The following RAD51B variants were observed in gnomAD, a reference collection of about 807,000 sequenced individuals.
RAD51B encodes DNA repair protein RAD51 homolog 2.
In RAD51B, 38 loss-of-function variants were observed where a neutral mutation model predicts 42.2. The observed-to-expected ratio is 0.90, with a 90% CI of 0.70 to 1.18. The LOEUF is 1.18. Among genes scored for constraint, RAD51B ranks in the 50% most tolerant of loss-of-function variants. The pLI, the probability that RAD51B is intolerant of heterozygous loss-of-function variation, is 0.00. For synonymous variants in RAD51B, 154 were observed against 145.2 expected, an observed-to-expected ratio of 1.06 and a Z score of -0.43; for missense variants, 373 against 400.7, an observed-to-expected ratio of 0.93 and a Z score of 0.59.
At chr14:67,928,383 AG>A (rs925475796) in intron 7 of RAD51B, among the ~76,000 whole-genome samples, 4 of 152,038 alleles carry the variant, frequency 2.6e-5, no homozygotes, top group African/African-American at 7.2e-5. Flanking sequence ...AGACAGAGGG[AG>A]GGGGGCTCTG....
At chr14:68,330,237 C>T (rs917753175) in intron 8 of RAD51B, among the ~76,000 whole-genome samples, 5 of 152,122 alleles carry the variant, frequency 3.3e-5, no homozygotes, top group African/African-American at 1.2e-4. Flanking sequence ...TGGAAAATCA[C>T]ATCTCTGAAG....
At chr14:67,833,855 T>C (rs2041140119) in intron 3 of RAD51B, among the ~76,000 whole-genome samples, 1 of 152,236 alleles carries the variant, frequency 6.6e-6, no homozygotes, top group African/African-American at 2.4e-5. Flanking sequence ...TACCTTCTTC[T>C]AGCTACCATT....
chr14:68,019,745 C>T (rs1216286900), intron 7 of RAD51B, among the ~76,000 whole-genome samples: 2 of 151,828 alleles, frequency 1.3e-5, no homozygotes, highest in Admixed American at 6.6e-5. Context: ...AGGATGACTG[C>T]GTATAACAAA....
chr14:68,575,449 G>A (rs577162440), intron 10 of RAD51B, among the ~76,000 whole-genome samples: 7 of 152,158 alleles, frequency 4.6e-5, no homozygotes, highest in Non-Finnish European at 8.8e-5. Flanking sequence ...AAAGGTTTGG[G>A]GTCTGGCTGA....
Position 67,887,116 on chromosome 14 carries a change from A to C in RAD51B, c.668A>C (p.Gln223Pro). Residue 223 changes from glutamine (Q) to proline (P), a missense_variant, in exon 7 of 11, where the codon CAA (glutamine) becomes CCA (proline). Coordinates refer to ENST00000471583, the MANE Select transcript of RAD51B (RefSeq NM_133510.4). ...GTGGTCAGAAAGGAGTTTGATGCAC[A>C]ACTTCAAGGCAATCTCAAAGAAAGA... ...ASVVRKEFDAQLQGNLKERNK... is the reference protein window; with the variant it reads ...ASVVRKEFDAPLQGNLKERNK... 1 of 1,607,940 alleles carries C rather than the reference A, an allele frequency of 6.2e-7. No homozygotes were observed. Among genetic ancestry groups the C allele is most frequent in the Non-Finnish European group, 8.5e-7 (1 of 1,175,112 alleles).
chr14:67,991,504 G>A (rs2075295910), intron 7 of RAD51B, among the ~76,000 whole-genome samples: 1 of 152,196 alleles, frequency 6.6e-6, no homozygotes, highest in Non-Finnish European at 1.5e-5. Context: ...GAATGGATGA[G>A]AGGGATATGA....
intron 10 of RAD51B, among the ~76,000 whole-genome samples, chr14:68,534,475 T>C (rs1887492388): frequency 6.6e-6 from 1 of 152,186 alleles, no homozygotes; most frequent in South Asian, 2.1e-4. Flanking sequence ...GGTTTGGAAG[T>C]AGCAGTGGAA....
intron 11 of RAD51B, among the ~76,000 whole-genome samples, chr14:68,666,991 C>G (rs373922566): frequency 9.2e-5 from 14 of 152,318 alleles, no homozygotes; most frequent in Admixed American, 5.9e-4. Context: ...TCCCTGATGA[C>G]AGCAATCCTG....
At chr14:67,876,531 G>A (rs1181667801) in intron 5 of RAD51B, among the ~76,000 whole-genome samples, 1 of 152,166 alleles carries the variant, frequency 6.6e-6, no homozygotes, top group African/African-American at 2.4e-5. Context: ...TCTTTAAAGT[G>A]CATTGTAGCT....
At chr14:68,135,764 C>T (rs1232926259) in intron 7 of RAD51B, among the ~76,000 whole-genome samples, 1 of 152,154 alleles carries the variant, frequency 6.6e-6, no homozygotes, top group Non-Finnish European at 1.5e-5. Context: ...TACTTACAAG[C>T]ATGCACAGGA....
chr14:68,297,187 G>A (rs1290923692), intron 8 of RAD51B, among the ~76,000 whole-genome samples: 1 of 152,196 alleles, frequency 6.6e-6, no homozygotes, highest in Non-Finnish European at 1.5e-5. Flanking sequence ...ACAAATCAGA[G>A]ACTCATGGTT....
chr14:68,379,459 A>G (rs1287686437), intron 8 of RAD51B, among the ~76,000 whole-genome samples: 1 of 152,208 alleles, frequency 6.6e-6, no homozygotes, highest in Non-Finnish European at 1.5e-5. Context: ...GGCTTCATCC[A>G]TCTTCCTGTC....
chr14:68,331,553 T>C (rs533440287), intron 8 of RAD51B, among the ~76,000 whole-genome samples: 1 of 152,060 alleles, frequency 6.6e-6, no homozygotes, highest in East Asian at 1.9e-4. Flanking sequence ...AAGTACAAGC[T>C]CCTGTGACTA....
chr14:68,118,956 A>G (rs2077595817), intron 7 of RAD51B, among the ~76,000 whole-genome samples: 1 of 151,816 alleles, frequency 6.6e-6, no homozygotes, highest in South Asian at 2.1e-4. Flanking sequence ...CCGCCAAACA[A>G]GTTCTTTTTT....
At chr14:68,181,808 T>C (rs1289973928) in intron 7 of RAD51B, among the ~76,000 whole-genome samples, 1 of 152,186 alleles carries the variant, frequency 6.6e-6, no homozygotes, top group Non-Finnish European at 1.5e-5. Flanking sequence ...CTCTGGGTTG[T>C]AGGCTAAGGA....
intron 10 of RAD51B, among the ~76,000 whole-genome samples, chr14:68,512,803 A>T (rs1885824143): frequency 1.3e-5 from 2 of 152,148 alleles, no homozygotes; most frequent in Admixed American, 6.5e-5. Flanking sequence ...GCCTTGAGAA[A>T]GGAAGCAGGT....
intron 10 of RAD51B, among the ~76,000 whole-genome samples, chr14:68,644,686 C>A: frequency 6.6e-6 from 1 of 152,090 alleles, no homozygotes; most frequent in East Asian, 1.9e-4. Context: ...ATTAGTCTGG[C>A]CTCTCCTATG....
intron 7 of RAD51B, among the ~76,000 whole-genome samples, chr14:67,985,255 C>A (rs1278827973): frequency 1.3e-5 from 2 of 152,130 alleles, no homozygotes; most frequent in South Asian, 4.1e-4. Context: ...TACTTTTGTT[C>A]TGGACCATTT....
chr14:68,681,465 C>T (rs747419895), intron 11 of RAD51B, among the ~76,000 whole-genome samples: 2 of 152,166 alleles, frequency 1.3e-5, no homozygotes, highest in African/African-American at 2.4e-5. Flanking sequence ...CTAAACTGTG[C>T]GTCCAGTGTT....
Sources: allele counts gnomAD v4.1 joint callset (sites outside exome capture counted in the v4.1 genomes callset), GRCh38; gene constraint gnomAD v4.1.1; transcripts MANE v1.5; gene names NCBI Gene and HGNC (gene_info 2026-07-23, HGNC 2026-07-21).